Variants in COL5A2 observed in about 807,000 individuals in gnomAD.
The protein encoded by COL5A2 is collagen alpha-2(V) chain.
COL5A2 carries 23 observed loss-of-function variants against 208.2 expected under a neutral mutation model. The ratio of observed to expected loss-of-function variants is 0.11; its 90% confidence interval spans 0.08 to 0.16. COL5A2 has a LOEUF of 0.16. Among genes scored for constraint, COL5A2 ranks in the 10% least tolerant of loss-of-function variants. COL5A2 has a pLI of 1.00. For missense variants in COL5A2, 1,590 were observed against 1,956.4 expected, an observed-to-expected ratio of 0.81 and a Z score of 3.53; for synonymous variants, 625 against 628.5, an observed-to-expected ratio of 0.99 and a Z score of 0.08.
chr2:189,235,726 T>G, the COL5A2 span, among the ~76,000 whole-genome samples: 1 of 151,802 alleles, frequency 6.6e-6, no homozygotes, highest in Admixed American at 6.6e-5. Context: ...GCTCTTAGAC[T>G]TTTTAGCTCC....
At chr2:189,106,773 A>G (rs550280392) in intron 2 of COL5A2, among the ~76,000 whole-genome samples, 1 of 151,236 alleles carries the variant, frequency 6.6e-6, no homozygotes, top group African/African-American at 2.4e-5. Flanking sequence ...CCAAGTTAGT[A>G]ACTGTCTTTA....
chr2:189,371,946 C>G, the COL5A2 span, among the ~76,000 whole-genome samples: 1 of 152,112 alleles, frequency 6.6e-6, no homozygotes, highest in Non-Finnish European at 1.5e-5. Flanking sequence ...GGGGAAAAGG[C>G]CTTGAAGATA....
chr2:189,063,343 C>T (rs1174522436), intron 26 of COL5A2, 73 bp from the exon 27 acceptor site: 1 of 1,180,132 alleles, frequency 8.5e-7, no homozygotes, highest in Non-Finnish European at 1.3e-6. Flanking sequence ...AAAGTGTCAC[C>T]TTTGCTTACT....
chr2:189,391,668 C>G, the COL5A2 span, among the ~76,000 whole-genome samples: 1 of 152,056 alleles, frequency 6.6e-6, no homozygotes, highest in Admixed American at 6.6e-5. Context: ...AGAAGGAAGT[C>G]ATTCCTTCTA....
intron 1 of COL5A2, among the ~76,000 whole-genome samples, chr2:189,160,275 T>C (rs925759621): frequency 6.6e-6 from 1 of 152,190 alleles, no homozygotes; most frequent in South Asian, 2.1e-4. Context: ...ATACTACTTA[T>C]ATGTAGTGTG....
chr2:189,063,352 C>A, intron 26 of COL5A2, 82 bp from the exon 27 acceptor site: 1 of 1,110,604 alleles, frequency 9.0e-7, no homozygotes, highest in Non-Finnish European at 1.4e-6. Context: ...CCTTTGCTTA[C>A]TATCATGTTA....
At chr2:189,434,002 T>C in the COL5A2 span, among the ~76,000 whole-genome samples, 1,154 of 152,314 alleles carry the variant, frequency 7.6e-3, 17 homozygotes, top group African/African-American at 0.026. Context: ...GTTGGCTTCA[T>C]CCCTGGGATG....
upstream of COL5A2, among the ~76,000 whole-genome samples, chr2:189,229,815 G>T (rs981441482): frequency 6.6e-6 from 1 of 151,584 alleles, no homozygotes; most frequent in Non-Finnish European, 1.5e-5. Context: ...AATTTTTACA[G>T]AAATAGAAAA....
the COL5A2 span, among the ~76,000 whole-genome samples, chr2:189,433,032 C>T: frequency 6.6e-6 from 1 of 152,114 alleles, no homozygotes; most frequent in East Asian, 1.9e-4. Flanking sequence ...GAAACTCACT[C>T]GAAACCGTGC....
At chr2:189,102,299 C>T (rs1687061669) in intron 3 of COL5A2, among the ~76,000 whole-genome samples, 1 of 152,012 alleles carries the variant, frequency 6.6e-6, no homozygotes, top group Non-Finnish European at 1.5e-5. Context: ...TCTCTGATAC[C>T]TGTCTTACCT....
the COL5A2 span, among the ~76,000 whole-genome samples, chr2:189,343,715 T>C: frequency 6.6e-6 from 1 of 152,198 alleles, no homozygotes; most frequent in Non-Finnish European, 1.5e-5. Context: ...AGTAAGAACC[T>C]TAAATCCATG....
In COL5A2 at chr2:189,054,359, C is replaced by T. The variant is rs189162181; in HGVS notation, c.2392-147G>A. The T allele has an allele frequency of 4.0e-3, 2,569 of 641,998 alleles. 6 individuals carry two copies. Among genetic ancestry groups the T allele is most frequent in the Non-Finnish European group, 5.2e-3 (1,882 of 361,416 alleles). 39.8% of individuals were successfully genotyped at this position (641,998 alleles called of 1,614,324 possible). On this transcript the variant is annotated intron_variant, in intron 35 of 53. Coordinates refer to ENST00000374866, the MANE Select transcript of COL5A2 (RefSeq NM_000393.5). ...CATTATCTATAATAAATGATATAAT[C>T]TATATATTTTCAAGAGTTTTCTGTC... is the stretch of plus-strand genomic sequence containing the variant.
rs148469398 is a variant in COL5A2, at chr2:189,216,501, T to C, written c.-42+8647A>G. 3.1e-3 allele frequency among the ~76,000 whole-genome samples: 479 copies of C among 152,162 alleles called. 4 individuals carry two copies. Among genetic ancestry groups the C allele is most frequent in the African/African-American group, 0.011 (456 of 41,514 alleles). ...CCTTGGGATTTCAAAATCTAGTATG[T>C]AAATTAAAAATATTATAATTTAATT... On this transcript the variant is annotated intron_variant, in intron 1 of 10. Transcript: ENST00000649966.
intron 1 of COL5A2, 45 bp from the exon 2 acceptor site, chr2:189,110,494 G>C: frequency 6.4e-7 from 1 of 1,564,774 alleles, no homozygotes; most frequent in Non-Finnish European, 8.8e-7. Flanking sequence ...TGAAATTATA[G>C]AATTGAGAAA....
the COL5A2 span, among the ~76,000 whole-genome samples, chr2:189,413,207 A>G: frequency 6.6e-6 from 1 of 152,224 alleles, no homozygotes. Flanking sequence ...CCTATAGATC[A>G]GGGAAGCTAT....
At chr2:189,328,046 A>T in the COL5A2 span, among the ~76,000 whole-genome samples, 3 of 152,188 alleles carry the variant, frequency 2.0e-5, no homozygotes, top group Non-Finnish European at 4.4e-5. Flanking sequence ...AGTCCATATG[A>T]AGAGCCAACT....
At chr2:189,376,991 T>G in the COL5A2 span, among the ~76,000 whole-genome samples, 1 of 152,208 alleles carries the variant, frequency 6.6e-6, no homozygotes, top group African/African-American at 2.4e-5. Context: ...ACCAATTACG[T>G]GCATGAGTGA....
the COL5A2 span, among the ~76,000 whole-genome samples, chr2:189,321,682 C>T: frequency 1.3e-5 from 2 of 151,924 alleles, no homozygotes; most frequent in East Asian, 1.9e-4. Context: ...CTTAGACTTG[C>T]TACTTAGACC....
rs1576548190 is a variant in COL5A2 at position 189,134,459 on chromosome 2, C to T, written c.98-24010G>A. On this transcript the variant is annotated intron_variant, in intron 1 of 53. Coordinates refer to ENST00000374866, the MANE Select transcript of COL5A2 (RefSeq NM_000393.5). ...CAAAAATTAGCCAGGTGTGGTGGCA[C>T]GTGCCTGTAATCCCAGCTACTCGGG... Among the ~76,000 whole-genome samples, 4 of 152,166 alleles carry T rather than the reference C, an allele frequency of 2.6e-5. No homozygotes were observed. The South Asian group carries it at 6.2e-4, about 24-fold the overall frequency.
Sources: gnomAD v4.1 joint callset for allele counts (sites outside exome capture counted in the v4.1 genomes callset) on GRCh38, gnomAD v4.1.1 for gene constraint, MANE v1.5 for transcripts, NCBI Gene and HGNC (gene_info 2026-07-23, HGNC 2026-07-21) for gene names.